Variants in ABCB7 observed in about 807,000 individuals in gnomAD.
The protein encoded by ABCB7 is ATP binding cassette subfamily B member 7.
In ABCB7, 7 loss-of-function variants were observed where a neutral mutation model predicts 54.4. The observed-to-expected ratio is 0.13, with a 90% CI of 0.07 to 0.24. The LOEUF (loss-of-function observed/expected upper bound fraction) is 0.24. ABCB7 is among the 10% of genes least tolerant of loss of function. The probability of loss-of-function intolerance (pLI) is 1.00; values close to 1 mark genes in which losing one functional copy is unlikely to be tolerated. For synonymous variants in ABCB7, 218 were observed against 207.1 expected, an observed-to-expected ratio of 1.05 and a Z score of -0.45; for missense variants, 356 against 570.4, an observed-to-expected ratio of 0.62 and a Z score of 3.83.
At chrX:75,097,360 G>A (rs1464190718) in intron 4 of ABCB7, 2 of 111,555 alleles carry the variant, frequency 1.8e-5, no homozygotes, top group Non-Finnish European at 3.8e-5. Context: ...TCTCCTCTGT[G>A]AAACCTTTCC....
intron 4 of ABCB7, 137 bp from the exon 5 acceptor site, chrX:75,076,791 T>C: frequency 1.4e-6 from 1 of 729,310 alleles, no homozygotes; most frequent in Non-Finnish European, 2.0e-6. Context: ...ATTTTCCCCA[T>C]TCATAAAGAC....
At position 75,112,894 on chromosome X, in the gene ABCB7, T is replaced by C. The variant is rs779966646; in HGVS notation, c.325A>G (p.Lys109Glu). The change falls in exon 3 of 16, where the codon AAA (lysine) becomes GAA (glutamate). Residue 109 changes from lysine to glutamate, a missense_variant. By Grantham distance (56) the Lys-to-Glu change is moderately conservative. Coordinates refer to ENST00000373394, the MANE Select transcript of ABCB7 (RefSeq NM_001271696.3). ...TTGTTACTGGCTCTTACCCCTTCTT[T>C]TGGGTCTGTGTGGAGTCCTCCTCCT... The part of the protein sequence containing the change: ...HAGGGLHTDP[K>E]EGLKDVDTRK... 8.3e-7 allele frequency: 1 copy of C among 1,209,302 alleles called. No homozygotes were observed. Among genetic ancestry groups the C allele is most frequent in the Non-Finnish European group, 1.1e-6 (1 of 893,483 alleles).
intron 3 of ABCB7, among the ~76,000 whole-genome samples, chrX:75,104,055 T>TG (rs1569233190): frequency 2.6e-4 from 13 of 49,898 alleles, no homozygotes; most frequent in Non-Finnish European, 4.6e-4. Flanking sequence ...CAGTTTTTTT[T>TG]TTTTTTTTTT....
intron 1 of ABCB7, among the ~76,000 whole-genome samples, chrX:75,148,641 G>T (rs1404264142): frequency 1.8e-5 from 2 of 111,153 alleles, no homozygotes; most frequent in Non-Finnish European, 3.8e-5. Flanking sequence ...AATCCAATAT[G>T]ACCAGTATAC....
At chrX:75,081,952 A>T (rs1197577846) in intron 4 of ABCB7, among the ~76,000 whole-genome samples, 5 of 110,862 alleles carry the variant, frequency 4.5e-5, no homozygotes, top group Non-Finnish European at 7.6e-5. Context: ...AGTCTCAGGG[A>T]CCTATGGAGC....
intron 4 of ABCB7, among the ~76,000 whole-genome samples, chrX:75,088,404 T>C (rs1391045609): frequency 8.9e-6 from 1 of 111,922 alleles, no homozygotes; most frequent in Non-Finnish European, 1.9e-5. Flanking sequence ...AAGGCTCTAA[T>C]GGAAAAAGCA....
At chrX:75,128,743 T>C (rs2081953061) in intron 1 of ABCB7, among the ~76,000 whole-genome samples, 1 of 111,460 alleles carries the variant, frequency 9.0e-6, no homozygotes, top group Non-Finnish European at 1.9e-5. Context: ...TAATCAAATT[T>C]ACAAGAAAAA....
intron 1 of ABCB7, among the ~76,000 whole-genome samples, chrX:75,145,104 C>A (rs1009065302): frequency 9.1e-6 from 1 of 110,362 alleles, no homozygotes; most frequent in African/African-American, 3.3e-5. Context: ...AAACAGCCTA[C>A]CAACCACAAA....
intron 4 of ABCB7, among the ~76,000 whole-genome samples, chrX:75,091,213 C>T (rs1396616747): frequency 9.0e-6 from 1 of 110,727 alleles, no homozygotes; most frequent in Non-Finnish European, 1.9e-5. Flanking sequence ...CAAAATATTA[C>T]CAAATCATAC....
intron 1 of ABCB7, among the ~76,000 whole-genome samples, chrX:75,126,232 T>C (rs1353904165): frequency 8.9e-6 from 1 of 112,014 alleles, no homozygotes; most frequent in Non-Finnish European, 1.9e-5. Flanking sequence ...AAGGATTGTA[T>C]CTTCCATGTT....
chrX:75,114,027 G>A (rs985563691), intron 2 of ABCB7, among the ~76,000 whole-genome samples: 5 of 111,517 alleles, frequency 4.5e-5, no homozygotes, highest in Admixed American at 9.6e-5. Flanking sequence ...CAAAACAAAA[G>A]ACTAAAATAG....
At chrX:75,122,797 T>C (rs1391077936) in intron 1 of ABCB7, among the ~76,000 whole-genome samples, 1 of 110,799 alleles carries the variant, frequency 9.0e-6, no homozygotes, top group East Asian at 2.9e-4. Context: ...TTCATACCTA[T>C]TGACAATTTG....
intron 12 of ABCB7, among the ~76,000 whole-genome samples, chrX:75,066,836 T>C (rs1467411186): frequency 4.5e-5 from 5 of 111,499 alleles, no homozygotes; most frequent in African/African-American, 1.6e-4. Context: ...TACTTTGTAT[T>C]TGCATATTTT....
At chrX:75,079,634 T>A (rs1244294925) in intron 4 of ABCB7, among the ~76,000 whole-genome samples, 1 of 112,164 alleles carries the variant, frequency 8.9e-6, no homozygotes, top group Non-Finnish European at 1.9e-5. Flanking sequence ...AACCAGAAAG[T>A]TAACATCGGC....
At chrX:75,059,433 T>C (rs1199002624) in intron 15 of ABCB7, among the ~76,000 whole-genome samples, 1 of 107,665 alleles carries the variant, frequency 9.3e-6, no homozygotes, top group East Asian at 2.9e-4. Context: ...ATCGCGCCAC[T>C]GTACTCCTGG....
In ABCB7 at chrX:75,112,901, T is replaced by G; in HGVS notation, c.318A>C (p.Thr106=). The G allele has an allele frequency of 8.3e-7, 1 of 1,210,319 alleles. No individual in the cohort carries two copies. Among genetic ancestry groups the G allele is most frequent in the East Asian group, 3.0e-5 (1 of 33,789 alleles). ...TGGCTCTTACCCCTTCTTTTGGGTC[T>G]GTGTGGAGTCCTCCTCCTGCATGAC... ...WHGHAGGGLH[T]DPKEGLKDVD... Residue 106 remains threonine (T), a synonymous_variant, in exon 3 of 16, where the codon ACA becomes ACC. Transcript: ENST00000373394.
intron 14 of ABCB7, 57 bp downstream of exon 14, chrX:75,062,271 A>C: frequency 9.5e-7 from 1 of 1,048,864 alleles, no homozygotes; most frequent in African/African-American, 1.8e-5. Flanking sequence ...ATTTTACTGA[A>C]ACTTCCAAGT....
intron 9 of ABCB7, among the ~76,000 whole-genome samples, chrX:75,071,167 G>A (rs913146980): frequency 9.1e-6 from 1 of 110,093 alleles, no homozygotes; most frequent in African/African-American, 3.3e-5. Context: ...AAAGAGTGCA[G>A]TTTAGTGCTT....
intron 3 of ABCB7, among the ~76,000 whole-genome samples, chrX:75,099,809 T>C (rs1351464144): frequency 9.4e-6 from 1 of 106,329 alleles, no homozygotes; most frequent in Admixed American, 1.0e-4. Context: ...GGCAAAACAA[T>C]CCCCATTTAA....
Sources: gnomAD v4.1 joint callset for allele counts (sites outside exome capture counted in the v4.1 genomes callset) on GRCh38, gnomAD v4.1.1 for gene constraint, MANE v1.5 for transcripts, NCBI Gene and HGNC (gene_info 2026-07-23, HGNC 2026-07-21) for gene names.